CUL4A: variants seen among roughly 807,000 people sequenced by gnomAD.
CUL4A encodes cullin-4A.
Under a neutral mutation model 95.5 loss-of-function variants are expected in CUL4A, and 16 were observed. That is an observed-to-expected ratio of 0.17 (90% CI 0.11 to 0.25). CUL4A has a LOEUF of 0.25. Among genes scored for constraint, CUL4A ranks in the 10% least tolerant of loss-of-function variants. The probability of loss-of-function intolerance (pLI) is 1.00; values close to 1 mark genes in which losing one functional copy is unlikely to be tolerated. For missense variants in CUL4A, 610 were observed against 937.0 expected, an observed-to-expected ratio of 0.65 and a Z score of 4.56; for synonymous variants, 380 against 353.1, an observed-to-expected ratio of 1.08 and a Z score of -0.85.
In CUL4A at chr13:113,261,928, G is replaced by GCGC. The variant is rs1468389422; in HGVS notation, c.2184+1171_2184+1173dup. Among the ~76,000 whole-genome samples, 5 of 152,206 alleles carry GCGC rather than the reference G, an allele frequency of 3.3e-5. No individual in the cohort carries two copies. The East Asian group carries it at 9.7e-4, about 29-fold the overall frequency. ...CCTGAGTAGCTGGGCTTACAGGCAC[G>GCGC]CGCCACCACACCCAGCTAATTTTTG... On this transcript the variant is annotated intron_variant, in intron 19 of 19. Transcript: ENST00000375440.
upstream of CUL4A, chr13:113,208,595 C>A: frequency 6.2e-7 from 1 of 1,605,794 alleles, no homozygotes; most frequent in South Asian, 1.1e-5. Context: ...CGGCTAGGAC[C>A]CACCTGCTGC....
chr13:113,228,076 G>T (rs1169924563), intron 4 of CUL4A, 31 bp downstream of exon 4: 1 of 1,519,506 alleles, frequency 6.6e-7, no homozygotes, highest in Non-Finnish European at 9.1e-7. Flanking sequence ...ATCAAAACAC[G>T]ACCTCATCCA....
chr13:113,247,168 G>A (rs1051445568), intron 15 of CUL4A, among the ~76,000 whole-genome samples: 2 of 152,040 alleles, frequency 1.3e-5, no homozygotes, highest in Admixed American at 6.6e-5. Flanking sequence ...CAGGGAGGGC[G>A]CCAGGCCATT....
intron 8 of CUL4A, among the ~76,000 whole-genome samples, chr13:113,236,058 T>C (rs2041533374): frequency 6.6e-6 from 1 of 151,224 alleles, no homozygotes; most frequent in African/African-American, 2.4e-5. Context: ...GAACAGGACT[T>C]GGTAGGACTC....
chr13:113,244,206 A>G (rs2041798049), intron 11 of CUL4A: 1 of 470,514 alleles, frequency 2.1e-6, no homozygotes, highest in Admixed American at 3.7e-5. Context: ...TTAAACATTC[A>G]GTCCTGGCTT....
chr13:113,261,999 C>G (rs1052730747), intron 19 of CUL4A, among the ~76,000 whole-genome samples: 1 of 152,180 alleles, frequency 6.6e-6, no homozygotes, highest in African/African-American at 2.4e-5. Flanking sequence ...AGGCTGGTCT[C>G]AAACTCCTGA....
intron 8 of CUL4A, 52 bp downstream of exon 8, chr13:113,235,197 T>C (rs1276187006): frequency 1.6e-6 from 2 of 1,259,028 alleles, no homozygotes; most frequent in Admixed American, 1.8e-5. Context: ...GGCTGGAAGG[T>C]TCTCCTGGCT....
At chr13:113,247,632 T>C (rs975406182) in intron 15 of CUL4A, among the ~76,000 whole-genome samples, 1 of 151,790 alleles carries the variant, frequency 6.6e-6, no homozygotes, top group Admixed American at 6.6e-5. Flanking sequence ...AGAAGGTGAG[T>C]GAGAGAGCTT....
chr13:113,218,685 C>T (rs1054477231), intron 2 of CUL4A, among the ~76,000 whole-genome samples: 1 of 152,178 alleles, frequency 6.6e-6, no homozygotes. Context: ...GCCTGGGACC[C>T]GAGGTCCAGC....
intron 5 of CUL4A, 70 bp from the exon 6 acceptor site, chr13:113,233,107 G>A: frequency 6.7e-7 from 1 of 1,496,788 alleles, no homozygotes; most frequent in South Asian, 1.2e-5. Context: ...GAATAGCATA[G>A]CTGGAGATTC....
At chr13:113,214,892 A>G (rs1201272713) in intron 2 of CUL4A, among the ~76,000 whole-genome samples, 1 of 151,844 alleles carries the variant, frequency 6.6e-6, no homozygotes. Flanking sequence ...GGAGGTAGCT[A>G]TGTGACTATG....
At chr13:113,225,675 G>A (rs573376863) in intron 3 of CUL4A, among the ~76,000 whole-genome samples, 7 of 152,316 alleles carry the variant, frequency 4.6e-5, no homozygotes, top group South Asian at 2.1e-4. Flanking sequence ...CCGCCTGCCC[G>A]CAGAGAGGCT....
intron 10 of CUL4A, among the ~76,000 whole-genome samples, chr13:113,240,982 T>A (rs1283823913): frequency 6.6e-6 from 1 of 152,158 alleles, no homozygotes; most frequent in African/African-American, 2.4e-5. Flanking sequence ...ATTATCTGAA[T>A]AAAGATTTCC....
At position 113,246,965 on chromosome 13, in the gene CUL4A, G is replaced by T. The variant is rs576148491; in HGVS notation, c.1638+902G>T. On this transcript the variant is annotated intron_variant, in intron 15 of 19. Transcript: ENST00000375440. ...GGCTGGGTAATTTGTAAAGAAAAGA[G>T]TTTTCATTGGCTCATGGTTCTGCAG... Among the ~76,000 whole-genome samples the T allele has an allele frequency of 9.2e-5, 14 of 152,288 alleles. No homozygotes were observed. In the East Asian group the frequency reaches 2.1e-3, roughly 23 times the overall value.
intron 15 of CUL4A, 47 bp from the exon 16 acceptor site, chr13:113,253,035 G>A (rs753609022): frequency 2.2e-6 from 2 of 900,168 alleles, no homozygotes; most frequent in East Asian, 5.2e-5. Context: ...GAGCTATTGA[G>A]ATGGATGGTG....
chr13:113,246,174 A>C (rs2041851835), intron 15 of CUL4A, 111 bp downstream of exon 15: 4 of 765,494 alleles, frequency 5.2e-6, no homozygotes, highest in Non-Finnish European at 8.5e-6. Flanking sequence ...TAGCCCACTC[A>C]GTCCAAAATC....
At chr13:113,249,053 C>T (rs902692315) in intron 15 of CUL4A, among the ~76,000 whole-genome samples, 2 of 152,174 alleles carry the variant, frequency 1.3e-5, no homozygotes, top group Admixed American at 6.5e-5. Flanking sequence ...AGCAGCTCCT[C>T]CCCAGCCTGC....
At chr13:113,260,203 C>CAAA (rs71101559) in intron 18 of CUL4A, among the ~76,000 whole-genome samples, 594 of 12,522 alleles carry the variant, frequency 0.047, 142 homozygotes, top group East Asian at 0.13. Flanking sequence ...GACTCCGTCT[C>CAAA]AAAAAAAAAA....
At chr13:113,246,119 AG>A (rs2139244133) in intron 15 of CUL4A, 56 bp downstream of exon 15, 1 of 1,301,942 alleles carries the variant, frequency 7.7e-7, no homozygotes, top group East Asian at 2.4e-5. Context: ...TACCAGGCAC[AG>A]ATATGTTGCC....
Sources: gnomAD v4.1 joint callset for allele counts (sites outside exome capture counted in the v4.1 genomes callset) on GRCh38, gnomAD v4.1.1 for gene constraint, MANE v1.5 for transcripts, NCBI Gene and HGNC (gene_info 2026-07-23, HGNC 2026-07-21) for gene names.